The following MEGF11 variants were observed in gnomAD, a reference collection of about 807,000 sequenced individuals.
The protein encoded by MEGF11 is multiple EGF like domains 11, also known as multiple epidermal growth factor-like domains protein 11.
Under a neutral mutation model 146.6 loss-of-function variants are expected in MEGF11, and 126 were observed. That is an observed-to-expected ratio of 0.86 (90% CI 0.74 to 1.00). MEGF11 has a LOEUF of 1.00. Ranked by LOEUF, MEGF11 falls within the 50% of genes least tolerant of loss-of-function variation. MEGF11 has a pLI of 0.00. For synonymous variants in MEGF11, 532 were observed against 583.4 expected (o/e 0.91, Z 1.27); for missense variants, 1,509 against 1,521.2 (o/e 0.99, Z 0.13).
intron 10 of MEGF11, among the ~76,000 whole-genome samples, chr15:65,955,367 G>T: frequency 6.7e-6 from 1 of 149,838 alleles, no homozygotes. Flanking sequence ...AGTTTTATCT[G>T]CACTGGGGAG....
chr15:66,115,240 C>T (rs905029908), intron 4 of MEGF11, among the ~76,000 whole-genome samples: 2 of 152,222 alleles, frequency 1.3e-5, no homozygotes, highest in African/African-American at 2.4e-5. Flanking sequence ...GGTTCTCTGG[C>T]CTCTGAGCGA....
intron 3 of MEGF11, among the ~76,000 whole-genome samples, chr15:66,123,432 G>A (rs1287946436): frequency 6.6e-6 from 1 of 152,206 alleles, no homozygotes; most frequent in Non-Finnish European, 1.5e-5. Context: ...AAGGATTCAA[G>A]AACAAGTAGT....
At chr15:65,945,780 C>G (rs2080169983) in intron 10 of MEGF11, among the ~76,000 whole-genome samples, 1 of 152,160 alleles carries the variant, frequency 6.6e-6, no homozygotes, top group South Asian at 2.1e-4. Context: ...TTCAGCTCTC[C>G]TGGCTCCATC....
intron 1 of MEGF11, among the ~76,000 whole-genome samples, chr15:66,205,142 T>C (rs1433137084): frequency 1.3e-5 from 2 of 152,000 alleles, no homozygotes; most frequent in African/African-American, 4.8e-5. Flanking sequence ...CAAGAAACTT[T>C]TAGATAATAG....
In MEGF11 at chr15:65,949,367, A is replaced by G. The variant is rs193005540; in HGVS notation, c.1287+8180T>C. 3.3e-5 allele frequency among the ~76,000 whole-genome samples: 5 copies of G among 152,290 alleles called. No individual in the cohort carries two copies. The East Asian group carries it at 9.6e-4, about 29-fold the overall frequency. ...AACAGCTGAGGTTTCTGTATGACCT[A>G]CCAGTGGCACAGAGAAAGGTGAGAA... On this transcript the variant is annotated intron_variant, in intron 10 of 25. Transcript: ENST00000395614.
chr15:66,146,214 G>A (rs2089365633), intron 1 of MEGF11, among the ~76,000 whole-genome samples: 1 of 152,214 alleles, frequency 6.6e-6, no homozygotes, highest in Non-Finnish European at 1.5e-5. Flanking sequence ...TAACGCAAGC[G>A]AAAGTGCTTT....
intron 5 of MEGF11, among the ~76,000 whole-genome samples, chr15:66,058,144 G>C (rs1433264575): frequency 6.6e-6 from 1 of 152,096 alleles, no homozygotes; most frequent in East Asian, 1.9e-4. Context: ...GTTTCAATGA[G>C]ATGGGCTCAC....
At chr15:66,163,545 G>A (rs1597129744) in intron 1 of MEGF11, among the ~76,000 whole-genome samples, 1 of 152,308 alleles carries the variant, frequency 6.6e-6, no homozygotes, top group East Asian at 1.9e-4. Context: ...GAAGTTCTGA[G>A]CTGGCCAGCT....
chr15:66,159,694 G>A (rs2141069781), intron 1 of MEGF11, among the ~76,000 whole-genome samples: 1 of 152,286 alleles, frequency 6.6e-6, no homozygotes, highest in Admixed American at 6.5e-5. Context: ...GATAGACCTG[G>A]GGCCTGGAGA....
At chr15:66,102,722 C>T (rs1385154956) in intron 4 of MEGF11, among the ~76,000 whole-genome samples, 1 of 152,308 alleles carries the variant, frequency 6.6e-6, no homozygotes, top group Non-Finnish European at 1.5e-5. Flanking sequence ...GAATTACAGG[C>T]ATGAGCCAGC....
At chr15:66,167,601 C>T (rs1468704708) in intron 1 of MEGF11, among the ~76,000 whole-genome samples, 1 of 152,066 alleles carries the variant, frequency 6.6e-6, no homozygotes, top group Non-Finnish European at 1.5e-5. Context: ...GCCGAGATTG[C>T]GCCATTGCAC....
intron 1 of MEGF11, among the ~76,000 whole-genome samples, chr15:66,159,934 A>T (rs914506714): frequency 1.3e-5 from 2 of 152,182 alleles, no homozygotes; most frequent in African/African-American, 4.8e-5. Context: ...TGATTCTTCT[A>T]GATCAGGAAA....
intron 5 of MEGF11, among the ~76,000 whole-genome samples, chr15:66,078,684 C>A (rs530306137): frequency 1.3e-4 from 20 of 152,296 alleles, no homozygotes; most frequent in African/African-American, 4.6e-4. Flanking sequence ...CCTGGAAGTG[C>A]AGGTCCTTTT....
chr15:65,948,114 C>G (rs1192020936), intron 10 of MEGF11, among the ~76,000 whole-genome samples: 1 of 152,098 alleles, frequency 6.6e-6, no homozygotes, highest in African/African-American at 2.4e-5. Context: ...CTTTGTGCCC[C>G]CACCGACCTG....
chr15:66,253,256 A>T lies in MEGF11; in HGVS notation c.-9+349T>A, dbSNP rs140662219. Among the ~76,000 whole-genome samples the T allele has an allele frequency of 7.6e-4, 116 of 152,230 alleles. 1 individual carries two copies. Among genetic ancestry groups the T allele is most frequent in the Non-Finnish European group, 9.3e-4 (63 of 67,988 alleles). Reference sequence around the variant, plus strand: ...GGGGCGGACGGGCGCCCTCCCCGGGACACCCGCGCCGCGCCACTGCTCTCG... The same window carrying T: ...GGGGCGGACGGGCGCCCTCCCCGGGTCACCCGCGCCGCGCCACTGCTCTCG... On this transcript the variant is annotated intron_variant, in intron 1 of 25. Coordinates refer to ENST00000395614, the MANE Select transcript of MEGF11 (RefSeq NM_001385028.1).
intron 5 of MEGF11, among the ~76,000 whole-genome samples, chr15:66,042,107 CTT>C (rs199704077): frequency 5.9e-4 from 85 of 143,126 alleles, no homozygotes; most frequent in African/African-American, 2.0e-3. Context: ...ATTTCTTTCC[CTT>C]TTTTTTTTTT....
At chr15:65,913,599 C>T in intron 20 of MEGF11, 138 bp downstream of exon 20, 1 of 749,896 alleles carries the variant, frequency 1.3e-6, no homozygotes, top group Non-Finnish European at 2.3e-6. Flanking sequence ...TAGGCTCCTG[C>T]TCCCCATCCC....
chr15:66,128,745 T>C (rs969402007), intron 1 of MEGF11, among the ~76,000 whole-genome samples: 1 of 152,160 alleles, frequency 6.6e-6, no homozygotes, highest in Non-Finnish European at 1.5e-5. Context: ...GGCCCATCCT[T>C]GGACCCAGGG....
At chr15:66,056,930 C>T (rs1406481713) in intron 5 of MEGF11, among the ~76,000 whole-genome samples, 2 of 152,220 alleles carry the variant, frequency 1.3e-5, no homozygotes, top group African/African-American at 4.8e-5. Flanking sequence ...AAAATTAATT[C>T]AGTCCTCAAT....
Sources: allele counts gnomAD v4.1 joint callset (sites outside exome capture counted in the v4.1 genomes callset), GRCh38; gene constraint gnomAD v4.1.1; transcripts MANE v1.5; gene names NCBI Gene and HGNC (gene_info 2026-07-23, HGNC 2026-07-21).